The following EBF1 variants were observed in gnomAD, a reference collection of about 807,000 sequenced individuals.
EBF1 encodes EBF transcription factor 1.
A neutral mutation model predicts 68.4 loss-of-function variants in EBF1; 10 were observed. The ratio of observed to expected loss-of-function variants is 0.15; its 90% CI spans 0.09 to 0.25. The LOEUF is 0.25. Ranked by LOEUF, EBF1 falls within the 10% of genes least tolerant of loss-of-function variation. The probability of loss-of-function intolerance (pLI) is 1.00; values close to 1 mark genes in which losing one functional copy is unlikely to be tolerated. For missense variants in EBF1, 509 were observed against 794.4 expected (o/e 0.64, Z 4.32); for synonymous variants, 298 against 299.8 (o/e 0.99, Z 0.06).
At chr5:158,780,785 TG>T (rs1224241291) in intron 9 of EBF1, among the ~76,000 whole-genome samples, 1 of 152,152 alleles carries the variant, frequency 6.6e-6, no homozygotes, top group Admixed American at 6.6e-5. Context: ...AAAGGAGTGA[TG>T]AAAAGAGAAA....
intron 6 of EBF1, among the ~76,000 whole-genome samples, chr5:158,930,062 C>T (rs1810509476): frequency 6.6e-6 from 1 of 152,172 alleles, no homozygotes; most frequent in South Asian, 2.1e-4. Context: ...TCTATAATGT[C>T]ATCAAAGGTG....
chr5:158,817,970 C>T (rs1316186550), intron 8 of EBF1, among the ~76,000 whole-genome samples: 1 of 152,146 alleles, frequency 6.6e-6, no homozygotes, highest in Non-Finnish European at 1.5e-5. Flanking sequence ...TTCTCTGTTC[C>T]CAGGAAGCTC....
intron 6 of EBF1, among the ~76,000 whole-genome samples, chr5:159,063,602 C>A (rs1776245449): frequency 6.6e-6 from 1 of 152,108 alleles, no homozygotes; most frequent in Admixed American, 6.5e-5. Flanking sequence ...CACTGTTATA[C>A]CCCCAACCCT....
chr5:158,768,372 AAGAT>A lies in EBF1; in HGVS notation c.1036+9037_1036+9040del, dbSNP rs545249503. Among the ~76,000 whole-genome samples, 795 of 152,296 alleles carry A rather than the reference AAGAT, an allele frequency of 5.2e-3. 7 individuals carry two copies. Among genetic ancestry groups the A allele is most frequent in the African/African-American group, 0.018 (753 of 41,580 alleles). ...ATATTTATGTATTTTTAAATGAAAA[AAGAT>A]AAATAATATGATGTAAGATATAATT... On this transcript the variant is annotated intron_variant, in intron 10 of 15. Coordinates refer to ENST00000313708, the MANE Select transcript of EBF1 (RefSeq NM_024007.5).
At position 158,975,275 on chromosome 5, in the gene EBF1, C is replaced by A. The variant is rs142418347; in HGVS notation, c.554+98121G>T. Reference sequence around the variant, plus strand: ...TTCCATAGTCCTGACCCCACTCCCCCCAAAAAATATTTGAATAAGACCCCT... The same window carrying A: ...TTCCATAGTCCTGACCCCACTCCCCACAAAAAATATTTGAATAAGACCCCT... On this transcript the variant is annotated intron_variant, in intron 6 of 15. Coordinates refer to ENST00000313708, the MANE Select transcript of EBF1 (RefSeq NM_024007.5). Among the ~76,000 whole-genome samples the A allele has an allele frequency of 5.9e-4, 90 of 152,218 alleles. 1 individual carries two copies. The highest frequency in any genetic ancestry group is 2.0e-3 in the African/African-American group (84 of 41,518).
At chr5:158,906,763 G>A (rs748305870) in intron 6 of EBF1, among the ~76,000 whole-genome samples, 1 of 152,192 alleles carries the variant, frequency 6.6e-6, no homozygotes, top group African/African-American at 2.4e-5. Context: ...TTGCTCTTTG[G>A]TTCTATTGCA....
intron 6 of EBF1, among the ~76,000 whole-genome samples, chr5:158,898,699 C>T (rs1397746409): frequency 1.3e-5 from 2 of 152,178 alleles, no homozygotes; most frequent in Non-Finnish European, 1.5e-5. Flanking sequence ...CTGTCATCCA[C>T]GCACTAAGCG....
chr5:159,098,430 C>G (rs1194489352), intron 1 of EBF1, among the ~76,000 whole-genome samples: 1 of 151,768 alleles, frequency 6.6e-6, no homozygotes, highest in Non-Finnish European at 1.5e-5. Flanking sequence ...GCTATTCTAC[C>G]GGTAGACTAA....
intron 6 of EBF1, among the ~76,000 whole-genome samples, chr5:158,882,103 A>T (rs1488472251): frequency 1.3e-5 from 2 of 152,234 alleles, no homozygotes; most frequent in African/African-American, 2.4e-5. Context: ...TACACACATT[A>T]CTATTTCACA....
chr5:159,046,378 C>T (rs903459668), intron 6 of EBF1, among the ~76,000 whole-genome samples: 2 of 152,154 alleles, frequency 1.3e-5, no homozygotes, highest in African/African-American at 4.8e-5. Context: ...TTTAGCTATT[C>T]CCATAATTGT....
At chr5:159,050,181 T>TC (rs113011344) in intron 6 of EBF1, among the ~76,000 whole-genome samples, 12 of 130,158 alleles carry the variant, frequency 9.2e-5, no homozygotes, top group African/African-American at 1.5e-4. Flanking sequence ...TCTCTCTCTC[T>TC]TCTCTCTTTT....
chr5:158,951,566 T>C (rs929642201), intron 6 of EBF1, among the ~76,000 whole-genome samples: 15 of 152,192 alleles, frequency 9.9e-5, no homozygotes, highest in African/African-American at 3.6e-4. Flanking sequence ...TGTGCATTCA[T>C]AAATGCCATT....
chr5:158,744,709 C>T (rs770962857), intron 10 of EBF1, among the ~76,000 whole-genome samples: 37 of 152,160 alleles, frequency 2.4e-4, no homozygotes, highest in Non-Finnish European at 4.6e-4. Context: ...TACAAGAAAG[C>T]GTGGAGGACA....
chr5:159,075,366 C>T (rs371260875), intron 5 of EBF1, among the ~76,000 whole-genome samples: 7 of 152,160 alleles, frequency 4.6e-5, no homozygotes, highest in African/African-American at 1.7e-4. Flanking sequence ...CAAAAGCAGC[C>T]CATCGACAGA....
At chr5:159,093,265 A>G (rs910773832) in intron 4 of EBF1, among the ~76,000 whole-genome samples, 12 of 152,196 alleles carry the variant, frequency 7.9e-5, no homozygotes, top group African/African-American at 2.9e-4. Context: ...AGTGAAAGCT[A>G]CAGAGAGGTG....
chr5:159,087,757 G>A (rs766520665), intron 4 of EBF1, among the ~76,000 whole-genome samples: 5 of 152,060 alleles, frequency 3.3e-5, no homozygotes, highest in Non-Finnish European at 4.4e-5. Flanking sequence ...TTGCCTCCAT[G>A]ATACATCTCT....
At chr5:158,915,346 C>T (rs1052816681) in intron 6 of EBF1, among the ~76,000 whole-genome samples, 2 of 152,148 alleles carry the variant, frequency 1.3e-5, no homozygotes, top group African/African-American at 4.8e-5. Context: ...ACAAATTTAC[C>T]ATTTCCAGCT....
At chr5:158,821,048 T>G (rs950228878) in intron 8 of EBF1, among the ~76,000 whole-genome samples, 1 of 152,208 alleles carries the variant, frequency 6.6e-6, no homozygotes, top group African/African-American at 2.4e-5. Context: ...AACAACTGGC[T>G]GGGGCCGAGG....
At chr5:158,722,306 C>G (rs1008404188) in intron 11 of EBF1, among the ~76,000 whole-genome samples, 1 of 152,184 alleles carries the variant, frequency 6.6e-6, no homozygotes, top group African/African-American at 2.4e-5. Context: ...TTTAAGTCGC[C>G]AAGGCCTGGG....
Sources: allele counts gnomAD v4.1 joint callset (sites outside exome capture counted in the v4.1 genomes callset), GRCh38; gene constraint gnomAD v4.1.1; transcripts MANE v1.5; gene names NCBI Gene and HGNC (gene_info 2026-07-23, HGNC 2026-07-21).